The following PDLIM5 variants were observed in gnomAD, a reference collection of about 807,000 sequenced individuals.
The protein encoded by PDLIM5 is PDZ and LIM domain protein 5.
In PDLIM5, 34 loss-of-function variants were observed where a neutral mutation model predicts 64.2. The observed-to-expected ratio is 0.53, with a 90% confidence interval of 0.40 to 0.71. PDLIM5 has a LOEUF of 0.71. Ranked by LOEUF, PDLIM5 falls within the 30% of genes least tolerant of loss-of-function variation. The probability of loss-of-function intolerance (pLI) is 0.00; values close to 1 mark genes in which losing one functional copy is unlikely to be tolerated. For missense variants in PDLIM5, 683 were observed against 733.6 expected (o/e 0.93, Z 0.80); for synonymous variants, 253 against 269.1 (o/e 0.94, Z 0.59).
rs33961001 is a variant in PDLIM5, at chr4:94,664,491, TAA to T, written c.*432_*433del. On this transcript the variant is annotated 3_prime_UTR_variant, in exon 13 of 13. Coordinates refer to ENST00000317968, the MANE Select transcript of PDLIM5 (RefSeq NM_006457.5). ...TTATCAATAACAGAATTATTGTATT[TAA>T]AAAAAAACTAATACTTATCTTTAAA... 3.6e-5 allele frequency: 25 copies of T among 690,586 alleles called. No individual in the cohort carries two copies. The African/African-American group carries it at 4.9e-4, about 14-fold the overall frequency. The allele number at this position is 690,586 out of a possible 1,614,324, so 42.8% of individuals were successfully genotyped here.
intron 5 of PDLIM5, chr4:94,584,906 C>G: frequency 1.1e-6 from 1 of 911,584 alleles, no homozygotes. Flanking sequence ...TAGTTGTTTT[C>G]TTTTTTTCTT....
intron 2 of PDLIM5, among the ~76,000 whole-genome samples, chr4:94,493,949 T>G (rs1050659859): frequency 3.3e-5 from 5 of 152,150 alleles, no homozygotes; most frequent in Admixed American, 2.6e-4. Flanking sequence ...ATGTTCCTCC[T>G]GTATTGCTAA....
At chr4:94,495,969 C>T (rs1463605417) in intron 2 of PDLIM5, among the ~76,000 whole-genome samples, 1 of 151,850 alleles carries the variant, frequency 6.6e-6, no homozygotes, top group Non-Finnish European at 1.5e-5. Context: ...AGAGAAAACT[C>T]TAACAATGGC....
intron 7 of PDLIM5, among the ~76,000 whole-genome samples, chr4:94,596,532 T>G (rs1448906878): frequency 6.6e-6 from 1 of 152,016 alleles, no homozygotes; most frequent in Admixed American, 6.6e-5. Context: ...CTCCTGCACT[T>G]TAGTTTTTTT....
At chr4:94,534,597 G>C (rs1182418191) in intron 3 of PDLIM5, among the ~76,000 whole-genome samples, 2 of 152,198 alleles carry the variant, frequency 1.3e-5, no homozygotes, top group Admixed American at 6.5e-5. Flanking sequence ...CCTTTGTGGA[G>C]ATGCAGAAAC....
At chr4:94,513,584 ATTTG>A (rs1308540457) in intron 2 of PDLIM5, among the ~76,000 whole-genome samples, 3 of 152,102 alleles carry the variant, frequency 2.0e-5, no homozygotes, top group South Asian at 4.1e-4. Context: ...ACTTTACTGA[ATTTG>A]TTTATTAGTT....
intron 2 of PDLIM5, among the ~76,000 whole-genome samples, chr4:94,478,256 A>C (rs1021155801): frequency 2.0e-5 from 2 of 99,352 alleles, no homozygotes; most frequent in Non-Finnish European, 3.5e-5. Flanking sequence ...ACTCCGTCTC[A>C]AAAAAAAAAA....
intron 8 of PDLIM5, 44 bp downstream of exon 8, chr4:94,618,235 T>C: frequency 1.5e-6 from 2 of 1,325,858 alleles, no homozygotes; most frequent in Non-Finnish European, 2.1e-6. Context: ...CGTAATGAGT[T>C]TCATTATGAA....
At chr4:94,460,104 TTA>T (rs1199420587) in intron 2 of PDLIM5, among the ~76,000 whole-genome samples, 1 of 152,228 alleles carries the variant, frequency 6.6e-6, no homozygotes, top group African/African-American at 2.4e-5. Flanking sequence ...GAAAATTAAT[TTA>T]GTTTGTATAA....
chr4:94,535,527 C>T (rs772079403), intron 3 of PDLIM5, among the ~76,000 whole-genome samples: 10 of 152,288 alleles, frequency 6.6e-5, no homozygotes, highest in Admixed American at 1.3e-4. Context: ...ATCAAAAAGA[C>T]GCCTTCCTTG....
intron 7 of PDLIM5, among the ~76,000 whole-genome samples, chr4:94,609,719 G>A (rs1007453859): frequency 6.6e-6 from 1 of 152,074 alleles, no homozygotes; most frequent in Admixed American, 6.5e-5. Flanking sequence ...AAAATGTCAC[G>A]CTGTCAGTAT....
At chr4:94,613,216 A>G (rs558600411) in intron 7 of PDLIM5, among the ~76,000 whole-genome samples, 1 of 152,208 alleles carries the variant, frequency 6.6e-6, no homozygotes, top group South Asian at 2.1e-4. Context: ...TTTTGATAAG[A>G]CTTTAGCCAA....
intron 5 of PDLIM5, among the ~76,000 whole-genome samples, chr4:94,577,020 T>C (rs1169396637): frequency 6.6e-6 from 1 of 152,154 alleles, no homozygotes; most frequent in Non-Finnish European, 1.5e-5. Flanking sequence ...GTAATCCTAC[T>C]TGCAAAGAAA....
intron 8 of PDLIM5, among the ~76,000 whole-genome samples, chr4:94,623,539 A>C (rs1329925593): frequency 2.0e-5 from 3 of 152,122 alleles, no homozygotes; most frequent in Admixed American, 2.0e-4. Context: ...CATCCTGTTC[A>C]TTTTAATTGT....
chr4:94,552,692 C>A (rs1270126478), intron 3 of PDLIM5, among the ~76,000 whole-genome samples: 1 of 151,908 alleles, frequency 6.6e-6, no homozygotes, highest in African/African-American at 2.4e-5. Context: ...CCAAATATGA[C>A]ATTTTTCATA....
intron 7 of PDLIM5, among the ~76,000 whole-genome samples, chr4:94,596,378 T>C (rs954799742): frequency 1.3e-5 from 2 of 152,168 alleles, no homozygotes; most frequent in Admixed American, 1.3e-4. Flanking sequence ...GTCAGACCGG[T>C]AGTCCTTCTC....
intron 2 of PDLIM5, among the ~76,000 whole-genome samples, chr4:94,467,419 A>T (rs1230357458): frequency 1.3e-5 from 2 of 151,918 alleles, no homozygotes; most frequent in African/African-American, 4.8e-5. Context: ...GCTTCAAGCA[A>T]TTCTGTGCCT....
chr4:94,573,538 A>G, intron 4 of PDLIM5, 145 bp downstream of exon 4: 1 of 775,992 alleles, frequency 1.3e-6, no homozygotes, highest in Non-Finnish European at 2.3e-6. Flanking sequence ...TCCTTCAGAG[A>G]TGAGTAGGGA....
At chr4:94,647,399 G>C (rs576574306) in intron 9 of PDLIM5, among the ~76,000 whole-genome samples, 77 of 152,146 alleles carry the variant, frequency 5.1e-4, no homozygotes, top group African/African-American at 1.8e-3. Context: ...AATTACTAGA[G>C]ACAGAGTAGT....
Sources: allele counts gnomAD v4.1 joint callset (sites outside exome capture counted in the v4.1 genomes callset), GRCh38; gene constraint gnomAD v4.1.1; transcripts MANE v1.5; gene names NCBI Gene and HGNC (gene_info 2026-07-23, HGNC 2026-07-21).